Variants in PARD3 observed in about 807,000 individuals in gnomAD.
The protein encoded by PARD3 is partitioning defective 3 homolog.
In PARD3, 75 loss-of-function variants were observed where a neutral mutation model predicts 155.4. The observed-to-expected ratio is 0.48, with a 90% confidence interval of 0.40 to 0.58. The LOEUF (loss-of-function observed/expected upper bound fraction) is 0.58, where lower values mean the gene tolerates loss of function less well. Ranked by LOEUF, PARD3 falls within the 20% of genes least tolerant of loss-of-function variation. The pLI is 0.00. For missense variants in PARD3, 1,642 were observed against 1,721.7 expected, an observed-to-expected ratio of 0.95 and a Z score of 0.82; for synonymous variants, 576 against 610.5, an observed-to-expected ratio of 0.94 and a Z score of 0.83.
intron 19 of PARD3, among the ~76,000 whole-genome samples, chr10:34,317,602 C>T (rs1291855564): frequency 2.0e-5 from 3 of 152,152 alleles, no homozygotes; most frequent in African/African-American, 2.4e-5. Flanking sequence ...CCCACAGAAA[C>T]ACCCTCTAAG....
chr10:34,359,080 C>T, intron 14 of PARD3, 67 bp downstream of exon 14: 3 of 1,319,238 alleles, frequency 2.3e-6, no homozygotes, highest in Admixed American at 1.9e-5. Flanking sequence ...TACCCTTTGC[C>T]CAAAATTAGG....
chr10:34,586,122 G>C (rs575647547), intron 2 of PARD3, among the ~76,000 whole-genome samples: 2 of 151,598 alleles, frequency 1.3e-5, no homozygotes, highest in Non-Finnish European at 2.9e-5. Flanking sequence ...CTTTAATGCA[G>C]ATTAGTTTTC....
intron 2 of PARD3, chr10:34,675,962 A>C (rs1380280092): frequency 6.4e-6 from 1 of 157,374 alleles, no homozygotes; most frequent in African/African-American, 2.4e-5. Flanking sequence ...GCCATCATGG[A>C]CGAGAGTGGT....
At chr10:34,409,567 C>G (rs1564680887) in intron 5 of PARD3, among the ~76,000 whole-genome samples, 1 of 152,192 alleles carries the variant, frequency 6.6e-6, no homozygotes, top group Non-Finnish European at 1.5e-5. Context: ...TCCCAGATGA[C>G]CACTCAAGCA....
intron 5 of PARD3, among the ~76,000 whole-genome samples, chr10:34,409,314 A>G (rs1273080963): frequency 6.6e-6 from 1 of 152,178 alleles, no homozygotes; most frequent in Non-Finnish European, 1.5e-5. Context: ...ATTCAGTTCC[A>G]ATATGTAAGT....
At chr10:34,120,358 C>A (rs1320581945) in intron 23 of PARD3, among the ~76,000 whole-genome samples, 4 of 151,798 alleles carry the variant, frequency 2.6e-5, no homozygotes, top group Non-Finnish European at 4.4e-5. Context: ...CCATTTACCT[C>A]TCTCCAGAAT....
chr10:34,347,654 C>T (rs1383455228), intron 15 of PARD3, among the ~76,000 whole-genome samples: 1 of 152,160 alleles, frequency 6.6e-6, no homozygotes, highest in African/African-American at 2.4e-5. Flanking sequence ...CATAGCTTCA[C>T]ATATTATCTC....
chr10:34,117,012 T>C (rs1359676388), intron 24 of PARD3, among the ~76,000 whole-genome samples: 1 of 152,182 alleles, frequency 6.6e-6, no homozygotes, highest in Non-Finnish European at 1.5e-5. Context: ...TACTTTGGAA[T>C]GCAACCAGGA....
At chr10:34,641,970 A>T (rs189868192) in intron 2 of PARD3, among the ~76,000 whole-genome samples, 1 of 152,214 alleles carries the variant, frequency 6.6e-6, no homozygotes, top group East Asian at 1.9e-4. Flanking sequence ...TGTAAACAAG[A>T]CTAAATGGTA....
chr10:34,383,810 A>T (rs1842087766), intron 8 of PARD3, among the ~76,000 whole-genome samples: 1 of 152,200 alleles, frequency 6.6e-6, no homozygotes. Flanking sequence ...TGTGTGCAGC[A>T]AAGGTGGACG....
At chr10:34,238,123 G>A (rs1953353619) in intron 22 of PARD3, among the ~76,000 whole-genome samples, 1 of 152,140 alleles carries the variant, frequency 6.6e-6, no homozygotes, top group Non-Finnish European at 1.5e-5. Flanking sequence ...ATATTCAGAT[G>A]TTTCCCAAAG....
intron 7 of PARD3, among the ~76,000 whole-genome samples, chr10:34,393,503 C>T (rs1487118207): frequency 1.3e-5 from 2 of 151,796 alleles, no homozygotes; most frequent in Non-Finnish European, 2.9e-5. Context: ...ATCACCTAAG[C>T]CCGGCAGGTT....
At chr10:34,369,707 T>G (rs1184624103) in intron 12 of PARD3, among the ~76,000 whole-genome samples, 1 of 152,146 alleles carries the variant, frequency 6.6e-6, no homozygotes, top group Non-Finnish European at 1.5e-5. Context: ...TTCCTGTGGT[T>G]TAAAGTTGAT....
chr10:34,497,969 T>C (rs963287596), intron 3 of PARD3, among the ~76,000 whole-genome samples: 20 of 152,140 alleles, frequency 1.3e-4, no homozygotes, highest in Admixed American at 1.3e-3. Flanking sequence ...CGAAGTAATA[T>C]ACAAAAACCG....
intron 10 of PARD3, 61 bp from the exon 11 acceptor site, chr10:34,375,063 C>CACACAA: frequency 1.2e-6 from 1 of 864,498 alleles, no homozygotes; most frequent in African/African-American, 2.0e-5. Context: ...AACACACACA[C>CACACAA]ACACACACAC....
At chr10:34,368,369 A>T (rs747618445) in intron 12 of PARD3, among the ~76,000 whole-genome samples, 13 of 152,260 alleles carry the variant, frequency 8.5e-5, no homozygotes, top group African/African-American at 2.6e-4. Flanking sequence ...GTCCGTATGG[A>T]CAGGCAAAGA....
chr10:34,384,356 C>T, intron 7 of PARD3, 102 bp from the exon 8 acceptor site: 2 of 1,082,514 alleles, frequency 1.8e-6, no homozygotes, highest in Non-Finnish European at 2.6e-6. Flanking sequence ...GATGTCCTTA[C>T]AAAGGAGCAT....
intron 2 of PARD3, among the ~76,000 whole-genome samples, chr10:34,601,279 A>C (rs1180596907): frequency 6.6e-6 from 1 of 151,520 alleles, no homozygotes; most frequent in Non-Finnish European, 1.5e-5. Context: ...AAAAAAAAAA[A>C]AAAAAGCAAA....
intron 1 of PARD3, among the ~76,000 whole-genome samples, chr10:34,725,912 T>C (rs1255864017): frequency 1.3e-5 from 2 of 151,802 alleles, no homozygotes; most frequent in Non-Finnish European, 3.0e-5. Context: ...GTTTGTGTGT[T>C]GTTGTTTTTT....
Sources: gnomAD v4.1 joint callset for allele counts (sites outside exome capture counted in the v4.1 genomes callset) on GRCh38, gnomAD v4.1.1 for gene constraint, MANE v1.5 for transcripts, NCBI Gene and HGNC (gene_info 2026-07-23, HGNC 2026-07-21) for gene names.